UBN2: variants seen among roughly 807,000 people sequenced by gnomAD.
UBN2 encodes ubinuclein-2.
A neutral mutation model predicts 120.2 loss-of-function variants in UBN2; 35 were observed. That is an observed-to-expected ratio of 0.29 (90% confidence interval 0.22 to 0.39). UBN2 has a LOEUF of 0.39. UBN2 is among the 10% of genes least tolerant of loss of function. UBN2 has a pLI of 1.00. For synonymous variants in UBN2, 661 were observed against 648.7 expected (o/e 1.02, Z -0.29); for missense variants, 1,693 against 1,663.2 (o/e 1.02, Z -0.31).
In UBN2 at chr7:139,233,175, A is replaced by G. The variant is rs111392663; in HGVS notation, c.468+1223A>G. 6.1e-3 allele frequency among the ~76,000 whole-genome samples: 934 copies of G among 152,304 alleles called. 6 individuals are homozygous for G. Among genetic ancestry groups the G allele is most frequent in the African/African-American group, 0.021 (857 of 41,560 alleles). On this transcript the variant is annotated intron_variant, in intron 1 of 17. Coordinates refer to ENST00000473989, the MANE Select transcript of UBN2 (RefSeq NM_173569.4). ...GTTTTGATCATTATTTAGAAATGTTATGTGGTCAAATCATTACAAAATGTT... is the reference window on the plus strand; with the variant it reads ...GTTTTGATCATTATTTAGAAATGTTGTGTGGTCAAATCATTACAAAATGTT...
At position 139,242,614 on chromosome 7, in the gene UBN2, C is replaced by A. The variant is rs114465637; in HGVS notation, c.561+5517C>A. On this transcript the variant is annotated intron_variant, in intron 2 of 17. Transcript: ENST00000473989. ...GAATTCCTAGCTCAAATAATAATTTCTTTATTGCAGTTACCCATTCTGATC... is the reference window on the plus strand; with the variant it reads ...GAATTCCTAGCTCAAATAATAATTTATTTATTGCAGTTACCCATTCTGATC... 7.5e-3 allele frequency among the ~76,000 whole-genome samples: 1,140 copies of A among 152,276 alleles called. 16 individuals are homozygous for A. The highest frequency in any genetic ancestry group is 0.026 in the African/African-American group (1,095 of 41,554).
chr7:139,238,458 C>T (rs1796222561), intron 2 of UBN2, among the ~76,000 whole-genome samples: 1 of 150,980 alleles, frequency 6.6e-6, no homozygotes, highest in Non-Finnish European at 1.5e-5. Context: ...GACAGAGTCT[C>T]TGTCACTCAG....
downstream of UBN2, among the ~76,000 whole-genome samples, chr7:139,308,721 C>T (rs184264160): frequency 1.5e-4 from 23 of 152,254 alleles, no homozygotes; most frequent in African/African-American, 2.9e-4. Context: ...GGTGCTACTA[C>T]GGTCAGGACT....
intron 15 of UBN2, among the ~76,000 whole-genome samples, chr7:139,292,349 A>G (rs1585030656): frequency 6.6e-6 from 1 of 152,204 alleles, no homozygotes; most frequent in South Asian, 2.1e-4. Context: ...TTATTTTTTT[A>G]AAGTCCTCCC....
intron 2 of UBN2, among the ~76,000 whole-genome samples, chr7:139,250,592 A>G (rs188157664): frequency 3.9e-5 from 6 of 152,212 alleles, no homozygotes; most frequent in African/African-American, 9.6e-5. Flanking sequence ...AAAAGTTGCA[A>G]ATATACTACA....
chr7:139,275,321 C>T (rs966261077), intron 11 of UBN2, among the ~76,000 whole-genome samples: 45 of 149,762 alleles, frequency 3.0e-4, no homozygotes, highest in African/African-American at 1.0e-3. Flanking sequence ...CGGTGGCTCA[C>T]GCCTGTAATC....
chr7:139,313,161 T>G (rs6953376), downstream of UBN2, among the ~76,000 whole-genome samples: 28,207 of 152,076 alleles, frequency 0.19, 2,971 homozygotes, highest in Admixed American at 0.34. Flanking sequence ...TCCACTTCCA[T>G]TTAAAATCCA....
chr7:139,267,536 CAAA>C (rs1189492166), intron 7 of UBN2, among the ~76,000 whole-genome samples: 2 of 80,014 alleles, frequency 2.5e-5, no homozygotes, highest in African/African-American at 4.6e-5. Context: ...ACTCTGTCTC[CAAA>C]AAAAAAAAAA....
chr7:139,274,033 A>G lies in UBN2; in HGVS notation c.1932A>G (p.Thr644=). The G allele has an allele frequency of 6.2e-7, 1 of 1,613,284 alleles. No homozygotes were observed. The highest frequency in any genetic ancestry group is 8.5e-7 in the Non-Finnish European group (1 of 1,179,750). ...ATTATCTTAAGTCTTTTATGGAGAC[A>G]GAAGTGAAGCCCCTGTGGCCTAAGG... ...AEDYLKSFME[T]EVKPLWPKGW... The change falls in exon 11 of 18, where the codon ACA becomes ACG. Residue 644 remains threonine, a synonymous_variant. Transcript: ENST00000473989.
Position 139,270,294 on chromosome 7 carries a change from CAG to C in UBN2, c.1596+774_1596+775del, listed in dbSNP as rs1231811261. On this transcript the variant is annotated intron_variant, in intron 8 of 17. Coordinates refer to ENST00000473989, the MANE Select transcript of UBN2 (RefSeq NM_173569.4). ...ACTTTTTTTTTTTTTTTTTTTGTGA[CAG>C]AGTCTCGCTCAGCCCAGGCTGGAGT... Among the ~76,000 whole-genome samples the C allele has an allele frequency of 8.3e-5, 11 of 133,062 alleles. No homozygotes were observed. The East Asian group carries it at 2.2e-3, about 27-fold the overall frequency. 87.3% of individuals were successfully genotyped at this position (133,062 alleles called of 152,430 possible).
chr7:139,261,557 A>G lies in UBN2; in HGVS notation c.1211A>G (p.Asp404Gly). Residue 404 changes from aspartate (D) to glycine (G), a missense_variant, in exon 6 of 18, where the codon GAT (aspartate) becomes GGT (glycine). This residue lies in a region of UBN2 where 663 missense variants were observed against 591.2 expected (regional missense o/e 1.12). Transcript: ENST00000473989. Reference sequence around the variant, plus strand: ...GCTGAAAATGCCCTAGAGATGCTAGATGATTTTGACTTCGACAGATTACTG... The same window carrying G: ...GCTGAAAATGCCCTAGAGATGCTAGGTGATTTTGACTTCGACAGATTACTG... ...QEAENALEML[D>G]DFDFDRLLDA... The G allele has an allele frequency of 6.2e-7, 1 of 1,614,190 alleles. No individual in the cohort carries two copies. The highest frequency in any genetic ancestry group is 2.2e-5 in the East Asian group (1 of 44,886).
chr7:139,275,582 CAA>C (rs889179822), intron 11 of UBN2, among the ~76,000 whole-genome samples: 1 of 116,276 alleles, frequency 8.6e-6, no homozygotes. Context: ...GACTCTGTCT[CAA>C]AAAAAAAAAA....
intron 2 of UBN2, among the ~76,000 whole-genome samples, chr7:139,239,055 T>C (rs1796239491): frequency 6.6e-6 from 1 of 152,166 alleles, no homozygotes; most frequent in Non-Finnish European, 1.5e-5. Context: ...ATTCAAAAAT[T>C]AAAAATCTTC....
intron 2 of UBN2, among the ~76,000 whole-genome samples, chr7:139,250,498 T>TCGA (rs1224037029): frequency 6.6e-6 from 1 of 151,396 alleles, no homozygotes; most frequent in Non-Finnish European, 1.5e-5. Flanking sequence ...CCTCCCAAAG[T>TCGA]GCTGGGATTA....
In UBN2 at chr7:139,300,670, C is replaced by G. The variant is rs1038847851; in HGVS notation, c.*2834C>G. On this transcript the variant is annotated 3_prime_UTR_variant, in exon 18 of 18. Coordinates refer to ENST00000473989, the MANE Select transcript of UBN2 (RefSeq NM_173569.4). Reference sequence around the variant, plus strand: ...AATCAGCACACATGATTATATCCCACTCCTTGGGATTCTTGATTCAGGAAG... The same window carrying G: ...AATCAGCACACATGATTATATCCCAGTCCTTGGGATTCTTGATTCAGGAAG... The G allele has an allele frequency of 6.6e-6, 1 of 152,232 alleles. No homozygotes were observed. Among genetic ancestry groups the G allele is most frequent in the Non-Finnish European group, 1.5e-5 (1 of 68,040 alleles). 9.4% of individuals were successfully genotyped at this position (152,232 alleles called of 1,614,324 possible).
In UBN2 at chr7:139,293,922, A is replaced by G. The variant is rs746264853; in HGVS notation, c.3935A>G (p.Gln1312Arg). The G allele has an allele frequency of 1.9e-6, 3 of 1,614,188 alleles. No homozygotes were observed. The highest frequency in any genetic ancestry group is 2.2e-5 in the South Asian group (2 of 91,088). ...LLKGLQPGGA[Q>R]HAATLSHSPL... ...AAGGGTTTACAGCCAGGAGGAGCTC[A>G]GCATGCAGCAACGCTTTCCCACTCA... The change falls in exon 17 of 18, where the codon CAG becomes CGG. Residue 1312 changes from glutamine to arginine, a missense_variant. Gln to Arg is a conservative substitution (Grantham distance 43). This residue lies in a region of UBN2 where 837 missense variants were observed against 817.6 expected (regional missense o/e 1.02). Coordinates refer to ENST00000473989, the MANE Select transcript of UBN2 (RefSeq NM_173569.4).
rs1371160380 is a variant in UBN2 at position 139,231,483 on chromosome 7, G to T, written c.-2G>T. On this transcript the variant is annotated 5_prime_UTR_variant, in exon 1 of 18. Coordinates refer to ENST00000473989, the MANE Select transcript of UBN2 (RefSeq NM_173569.4). ...CAAAAGCGGAGGGCCAGAACAGTGG[G>T]GATGGCGGAGCCGCGCAGAGTAGCG... is the stretch of plus-strand genomic sequence containing the variant. 1 of 1,378,220 alleles carries T rather than the reference G, an allele frequency of 7.3e-7. No homozygotes were observed. The allele number at this position is 1,378,220 out of a possible 1,614,324, so 85.4% of individuals were successfully genotyped here.
chr7:139,240,241 A>T (rs1234081402), intron 2 of UBN2, among the ~76,000 whole-genome samples: 1 of 151,600 alleles, frequency 6.6e-6, no homozygotes, highest in Non-Finnish European at 1.5e-5. Flanking sequence ...ATTAACCAAA[A>T]AGCATGCCCA....
In UBN2 at chr7:139,231,586, G is replaced by GCC; in HGVS notation, c.108_109dup (p.Arg37ProfsTer150). On this transcript the variant is annotated frameshift_variant, in exon 1 of 18. Coordinates refer to ENST00000473989, the MANE Select transcript of UBN2 (RefSeq NM_173569.4). LOFTEE classifies it high-confidence loss of function. ...AGCGTGAGCCCGAGTACCCCCGCGA[G>GCC]CCCCCCCGGCTGGAGCCGCAGCCGT... The GCC allele has an allele frequency of 7.2e-7, 1 of 1,392,222 alleles. No homozygotes were observed. The allele number at this position is 1,392,222 out of a possible 1,614,324, so 86.2% of individuals were successfully genotyped here. A position where few individuals can be genotyped will look rare whatever the true frequency, so the allele number is the denominator to read the frequency against.
Sources: allele counts gnomAD v4.1 joint callset (sites outside exome capture counted in the v4.1 genomes callset), GRCh38; gene constraint gnomAD v4.1.1; regional missense constraint gnomAD v4.1.1; transcripts MANE v1.5; gene names NCBI Gene and HGNC (gene_info 2026-07-23, HGNC 2026-07-21).